The following LRRC7 variants were observed in gnomAD, a reference collection of about 807,000 sequenced individuals.
The protein encoded by LRRC7 is leucine-rich repeat-containing protein 7.
Under a neutral mutation model 175.7 loss-of-function variants are expected in LRRC7, and 23 were observed. The observed-to-expected ratio is 0.13, with a 90% CI of 0.09 to 0.19. The LOEUF (loss-of-function observed/expected upper bound fraction) is 0.19. LRRC7 is among the 10% of genes least tolerant of loss of function. The probability of loss-of-function intolerance (pLI) is 1.00; values close to 1 mark genes in which losing one functional copy is unlikely to be tolerated. For missense variants in LRRC7, 1,354 were observed against 1,904.7 expected (o/e 0.71, Z 5.38); for synonymous variants, 685 against 680.9 (o/e 1.01, Z -0.09).
At chr1:69,754,938 G>A (rs752980948) in intron 2 of LRRC7, among the ~76,000 whole-genome samples, 12 of 151,938 alleles carry the variant, frequency 7.9e-5, no homozygotes, top group African/African-American at 2.4e-4. Flanking sequence ...GAAAAAAAGG[G>A]TACAATTAGA....
chr1:70,088,570 G>A (rs1179216220), intron 24 of LRRC7, among the ~76,000 whole-genome samples: 2 of 151,940 alleles, frequency 1.3e-5, no homozygotes, highest in African/African-American at 4.8e-5. Context: ...AAATAAATAA[G>A]TAAATAATAA....
At chr1:69,803,066 T>A (rs1474197420) in intron 4 of LRRC7, among the ~76,000 whole-genome samples, 2 of 151,372 alleles carry the variant, frequency 1.3e-5, no homozygotes, top group African/African-American at 4.8e-5. Flanking sequence ...TCTACCTCTT[T>A]TATATACAAA....
Position 70,023,758 on chromosome 1 carries a change from T to C in LRRC7, c.1794+384T>C, listed in dbSNP as rs145391657. 2.8e-3 allele frequency among the ~76,000 whole-genome samples: 431 copies of C among 152,274 alleles called. 1 individual carries two copies. Among genetic ancestry groups the C allele is most frequent in the African/African-American group, 9.5e-3 (393 of 41,554 alleles). On this transcript the variant is annotated intron_variant, in intron 17 of 26. Coordinates refer to ENST00000651989, the MANE Select transcript of LRRC7 (RefSeq NM_001370785.2). ...TGCACATTTTTTATAATGTGAATTC[T>C]GGGGGAGATTAAATAGCTAAAACTT... is the stretch of plus-strand genomic sequence containing the variant.
chr1:69,631,981 A>G (rs1570062258), intron 1 of LRRC7, among the ~76,000 whole-genome samples: 2 of 152,188 alleles, frequency 1.3e-5, no homozygotes, highest in African/African-American at 4.8e-5. Flanking sequence ...CATGTCTTAC[A>G]AGACTTTCTG....
intron 1 of LRRC7, among the ~76,000 whole-genome samples, chr1:69,575,686 G>A (rs960643586): frequency 1.3e-5 from 2 of 151,996 alleles, no homozygotes; most frequent in African/African-American, 4.8e-5. Flanking sequence ...TTAGGATAAT[G>A]CCAGCTAAAT....
At chr1:70,036,690 A>C (rs1355448145) in intron 20 of LRRC7, 66 bp downstream of exon 20, 2 of 1,493,694 alleles carry the variant, frequency 1.3e-6, no homozygotes, top group African/African-American at 2.8e-5. Flanking sequence ...AAAAAATGGA[A>C]TCTTCTTAAT....
chr1:70,009,678 TAGAGAGAATTTC>T (rs1308485317), intron 11 of LRRC7, among the ~76,000 whole-genome samples: 4 of 152,184 alleles, frequency 2.6e-5, no homozygotes, highest in Non-Finnish European at 4.4e-5. Flanking sequence ...ATCTCCAGCT[TAGAGAGAATTTC>T]TATGATTTGT....
intron 2 of LRRC7, among the ~76,000 whole-genome samples, chr1:69,728,048 C>T (rs1667168440): frequency 6.6e-6 from 1 of 152,162 alleles, no homozygotes; most frequent in African/African-American, 2.4e-5. Flanking sequence ...CTGGCAGTCA[C>T]CTGAGATGTG....
In LRRC7 at chr1:70,039,140, A is replaced by G. The variant is rs777684992; in HGVS notation, c.3316A>G (p.Lys1106Glu). The part of the protein sequence containing the change: ...YVQQASKNIA[K>E]DLISPRAYRG... ...GCAACAGGCCAGCAAAAACATCGCC[A>G]AGGATTTGATTAGTCCTAGAGCTTA... The change falls in exon 21 of 27, where the codon AAG (lysine) becomes GAG (glutamate). Residue 1106 changes from lysine to glutamate, a missense_variant. By Grantham distance (56) the Lys-to-Glu change is moderately conservative (BLOSUM62 1). Transcript: ENST00000651989. 3 of 1,614,016 alleles carry G rather than the reference A, an allele frequency of 1.9e-6. No individual in the cohort carries two copies. In the African/African-American group the frequency reaches 4.0e-5, roughly 22 times the overall value.
chr1:69,694,988 G>T (rs1414020335), intron 2 of LRRC7, among the ~76,000 whole-genome samples: 2 of 152,172 alleles, frequency 1.3e-5, no homozygotes, highest in Non-Finnish European at 1.5e-5. Flanking sequence ...GTGGAGCATT[G>T]CTATAAATAT....
In LRRC7 at chr1:70,133,870, A is replaced by G. The variant is rs1666769703; in HGVS notation, c.*11983A>G. On this transcript the variant is annotated 3_prime_UTR_variant, in exon 27 of 27. Coordinates refer to ENST00000651989, the MANE Select transcript of LRRC7 (RefSeq NM_001370785.2). ...AGCCACACTTCCTTCAGGTATGCCCATTCCAAGTATGTGGGAATAGATTTG... is the reference window on the plus strand; with the variant it reads ...AGCCACACTTCCTTCAGGTATGCCCGTTCCAAGTATGTGGGAATAGATTTG... 6.6e-6 allele frequency among the ~76,000 whole-genome samples: 1 copy of G among 152,210 alleles called. No homozygotes were observed.
chr1:70,011,351 TC>T (rs1312942905), intron 11 of LRRC7, among the ~76,000 whole-genome samples: 1 of 152,070 alleles, frequency 6.6e-6, no homozygotes, highest in Non-Finnish European at 1.5e-5. Flanking sequence ...TTTTCTTTAA[TC>T]TCTAAAATGC....
chr1:69,722,417 A>G (rs958046846), intron 2 of LRRC7, among the ~76,000 whole-genome samples: 6 of 152,064 alleles, frequency 3.9e-5, no homozygotes, highest in African/African-American at 1.2e-4. Flanking sequence ...TAAAATTGCT[A>G]TGTACAATGG....
chr1:70,079,824 A>C (rs985017844), intron 24 of LRRC7, among the ~76,000 whole-genome samples: 5 of 152,216 alleles, frequency 3.3e-5, no homozygotes, highest in African/African-American at 1.2e-4. Context: ...TTGATCAAGG[A>C]GCCCACTTTT....
chr1:69,798,004 C>G (rs1319351323), intron 4 of LRRC7, among the ~76,000 whole-genome samples: 1 of 152,140 alleles, frequency 6.6e-6, no homozygotes, highest in African/African-American at 2.4e-5. Flanking sequence ...TCACTGCAAC[C>G]TCTGCCTCTC....
chr1:69,691,797 C>CAAAAAAAA (rs57676937), intron 2 of LRRC7, among the ~76,000 whole-genome samples: 35 of 85,162 alleles, frequency 4.1e-4, no homozygotes, highest in East Asian at 7.5e-4. Flanking sequence ...GACCCTGTCT[C>CAAAAAAAA]AAAAAAAAAA....
At chr1:69,796,971 T>C (rs2101079292) in intron 4 of LRRC7, among the ~76,000 whole-genome samples, 1 of 152,314 alleles carries the variant, frequency 6.6e-6, no homozygotes, top group African/African-American at 2.4e-5. Context: ...ATTTAATTTC[T>C]ATATATTTGA....
chr1:69,767,324 T>C (rs901665842), intron 3 of LRRC7, among the ~76,000 whole-genome samples: 1 of 152,216 alleles, frequency 6.6e-6, no homozygotes, highest in Admixed American at 6.5e-5. Flanking sequence ...ATGTTATTTT[T>C]ATATTACACA....
chr1:69,746,846 G>A (rs1669309980), intron 2 of LRRC7, among the ~76,000 whole-genome samples: 1 of 152,092 alleles, frequency 6.6e-6, no homozygotes, highest in African/African-American at 2.4e-5. Context: ...CAAACTGGAT[G>A]GCTTAAACAA....
Sources: allele counts gnomAD v4.1 joint callset (sites outside exome capture counted in the v4.1 genomes callset), GRCh38; gene constraint gnomAD v4.1.1; transcripts MANE v1.5; gene names NCBI Gene and HGNC (gene_info 2026-07-23, HGNC 2026-07-21).